Variants in RAB22A observed in about 807,000 individuals in gnomAD.
RAB22A encodes RAB22A, member RAS oncogene family, also known as ras-related protein Rab-22A.
A neutral mutation model predicts 30.2 loss-of-function variants in RAB22A; 13 were observed. The observed-to-expected ratio is 0.43, with a 90% CI of 0.28 to 0.68. The LOEUF is 0.68. Ranked by LOEUF, RAB22A falls within the 30% of genes least tolerant of loss-of-function variation. The probability of loss-of-function intolerance (pLI) is 0.18; values close to 1 mark genes in which losing one functional copy is unlikely to be tolerated. For missense variants in RAB22A, 177 were observed against 246.8 expected, an observed-to-expected ratio of 0.72 and a Z score of 1.89; for synonymous variants, 89 against 87.2, an observed-to-expected ratio of 1.02 and a Z score of -0.11.
intron 2 of RAB22A, among the ~76,000 whole-genome samples, chr20:58,334,989 A>C (rs1986723383): frequency 6.6e-6 from 1 of 152,214 alleles, no homozygotes; most frequent in South Asian, 2.1e-4. Flanking sequence ...AGGCTTGTTC[A>C]TTATAGCCAA....
At chr20:58,312,910 A>G (rs950927106) in intron 2 of RAB22A, among the ~76,000 whole-genome samples, 1 of 152,200 alleles carries the variant, frequency 6.6e-6, no homozygotes, top group Admixed American at 6.5e-5. Flanking sequence ...AGAGCTGGGT[A>G]TGACACATGT....
chr20:58,310,544 T>C (rs1986204059), intron 1 of RAB22A, among the ~76,000 whole-genome samples: 1 of 152,224 alleles, frequency 6.6e-6, no homozygotes, highest in Non-Finnish European at 1.5e-5. Context: ...AAAGACTAGT[T>C]TGAAGCTTCA....
At chr20:58,359,495 CTTTTT>C (rs3069388) in intron 6 of RAB22A, 106 bp from the exon 7 acceptor site, 143 of 332,724 alleles carry the variant, frequency 4.3e-4, no homozygotes, top group East Asian at 8.3e-4. Context: ...GTTTATTAAA[CTTTTT>C]TTTTTTTTTT....
intron 2 of RAB22A, among the ~76,000 whole-genome samples, chr20:58,336,550 T>G (rs1986758147): frequency 6.6e-6 from 1 of 152,194 alleles, no homozygotes; most frequent in Non-Finnish European, 1.5e-5. Context: ...AACTAGTTCA[T>G]GAAACTGGTA....
Position 58,353,427 on chromosome 20 carries a change from T to C in RAB22A, c.271-5T>C. The stretch of plus-strand genomic sequence containing the variant: ...TCCAGTTGCTCTCTTTTTTGTGTGT[T>C]ACAGGAGACATTTTCAACATTAAAG... On this transcript the variant is annotated splice_polypyrimidine_tract_variant and splice_region_variant and intron_variant, in intron 4 of 6. Coordinates refer to ENST00000244040, the MANE Select transcript of RAB22A (RefSeq NM_020673.3). 1 of 1,611,984 alleles carries C rather than the reference T, an allele frequency of 6.2e-7. No homozygotes were observed. Among genetic ancestry groups the C allele is most frequent in the Non-Finnish European group, 8.5e-7 (1 of 1,178,032 alleles).
At chr20:58,343,672 G>A (rs771541350) in intron 2 of RAB22A, 46 bp from the exon 3 acceptor site, 38 of 1,466,656 alleles carry the variant, frequency 2.6e-5, no homozygotes, top group African/African-American at 5.6e-5. Flanking sequence ...GGCTGGAAAC[G>A]TGCTTTACAT....
At chr20:58,324,232 G>A (rs1292789985) in intron 2 of RAB22A, among the ~76,000 whole-genome samples, 3 of 151,642 alleles carry the variant, frequency 2.0e-5, no homozygotes, top group African/African-American at 7.3e-5. Context: ...TAGAGAGTCA[G>A]TTTCTTTCAC....
chr20:58,347,490 A>G (rs1986971455), intron 3 of RAB22A, among the ~76,000 whole-genome samples: 4 of 152,202 alleles, frequency 2.6e-5, no homozygotes, highest in Non-Finnish European at 5.9e-5. Context: ...TTTTGTAAAA[A>G]TTTGTCATTT....
In RAB22A at chr20:58,361,439, AAG is replaced by A. The variant is rs1330978273; in HGVS notation, c.*1738_*1739del. The stretch of plus-strand genomic sequence containing the variant: ...TTTTTATCTTCTGAAATCATATAAA[AAG>A]AATGTCATTAGTAAAAATTCTAACT... On this transcript the variant is annotated 3_prime_UTR_variant, in exon 7 of 7. Transcript: ENST00000244040. 1.3e-5 allele frequency: 2 copies of A among 152,238 alleles called. No individual in the cohort carries two copies. Among genetic ancestry groups the A allele is most frequent in the Non-Finnish European group, 2.9e-5 (2 of 68,048 alleles). The allele number at this position is 152,238 out of a possible 1,614,324, so 9.4% of individuals were successfully genotyped here.
rs878989514 is a variant in RAB22A at position 58,353,979 on chromosome 20, C to T, written c.378-177C>T. 2.0e-5 allele frequency among the ~76,000 whole-genome samples: 3 copies of T among 152,168 alleles called. No homozygotes were observed. The South Asian group carries it at 6.2e-4, about 31-fold the overall frequency. Reference sequence around the variant, plus strand: ...TTACTAGTGGTACCGAGTTTTGTTTCACTTTGTTTGTTTACCCATGGATGT... The same window carrying T: ...TTACTAGTGGTACCGAGTTTTGTTTTACTTTGTTTGTTTACCCATGGATGT... On this transcript the variant is annotated intron_variant, in intron 5 of 6. Transcript: ENST00000244040.
At chr20:58,314,179 G>C (rs1250783444) in intron 2 of RAB22A, among the ~76,000 whole-genome samples, 3 of 151,668 alleles carry the variant, frequency 2.0e-5, no homozygotes, top group East Asian at 3.9e-4. Flanking sequence ...CTCCCATATA[G>C]TTGGGACTAT....
At chr20:58,336,591 G>A (rs6128322) in intron 2 of RAB22A, among the ~76,000 whole-genome samples, 1 of 152,134 alleles carries the variant, frequency 6.6e-6, no homozygotes, top group Non-Finnish European at 1.5e-5. Flanking sequence ...TTGTTGCTTA[G>A]GCAAGGCTCA....
chr20:58,336,675 A>G (rs964145390), intron 2 of RAB22A, among the ~76,000 whole-genome samples: 3 of 152,238 alleles, frequency 2.0e-5, no homozygotes, highest in African/African-American at 7.2e-5. Flanking sequence ...CAAATGGTAC[A>G]TAGAAATGTA....
At chr20:58,319,249 A>G (rs1034394719) in intron 2 of RAB22A, among the ~76,000 whole-genome samples, 28 of 152,240 alleles carry the variant, frequency 1.8e-4, no homozygotes, top group African/African-American at 6.3e-4. Flanking sequence ...AACATTGGAC[A>G]TATAGGACAC....
chr20:58,312,472 CTTTTTTTTTTT>C lies in RAB22A; in HGVS notation c.116+1374_116+1384del, dbSNP rs58198236. ...GCACCATGTTACTCCGGCTGGTTTTCTTTTTTTTTTTTTTTTTTTTTTTTTTTTTTTTTTGA... is the reference window on the plus strand; with the variant it reads ...GCACCATGTTACTCCGGCTGGTTTTCTTTTTTTTTTTTTTTTTTTTTTTGA... On this transcript the variant is annotated intron_variant, in intron 2 of 6. Transcript: ENST00000244040. Among the ~76,000 whole-genome samples, 13 of 38,710 alleles carry C rather than the reference CTTTTTTTTTTT, an allele frequency of 3.4e-4. No individual in the cohort carries two copies. In the South Asian group the frequency reaches 4.3e-3, roughly 13 times the overall value. The allele number at this position is 38,710 out of a possible 152,430, so 25.4% of individuals were successfully genotyped here.
At chr20:58,348,849 T>A (rs117458558) in intron 3 of RAB22A, among the ~76,000 whole-genome samples, 2,444 of 152,234 alleles carry the variant, frequency 0.016, 27 homozygotes, top group Non-Finnish European at 0.02. Flanking sequence ...TGGATTTGTG[T>A]TGGGCCACAT....
At chr20:58,350,881 A>T (rs548780036) in intron 3 of RAB22A, among the ~76,000 whole-genome samples, 1 of 152,368 alleles carries the variant, frequency 6.6e-6, no homozygotes, top group African/African-American at 2.4e-5. Context: ...AAAGTTAACT[A>T]ATTCAAAAAT....
intron 2 of RAB22A, among the ~76,000 whole-genome samples, chr20:58,312,615 A>G (rs1986253895): frequency 6.7e-6 from 1 of 148,966 alleles, no homozygotes; most frequent in Non-Finnish European, 1.5e-5. Flanking sequence ...CAGCCTCCCG[A>G]GTAGCTGGGA....
At chr20:58,346,663 A>G (rs1986955449) in intron 3 of RAB22A, among the ~76,000 whole-genome samples, 1 of 152,146 alleles carries the variant, frequency 6.6e-6, no homozygotes, top group Non-Finnish European at 1.5e-5. Context: ...CTGTCTACCT[A>G]CCTTCATTGA....
Sources: allele counts gnomAD v4.1 joint callset (sites outside exome capture counted in the v4.1 genomes callset), GRCh38; gene constraint gnomAD v4.1.1; transcripts MANE v1.5; gene names NCBI Gene and HGNC (gene_info 2026-07-23, HGNC 2026-07-21).